The following PRELID2 variants were observed in gnomAD, a reference collection of about 807,000 sequenced individuals.
The protein encoded by PRELID2 is PRELI domain-containing protein 2.
Under a neutral mutation model 28.4 loss-of-function variants are expected in PRELID2, and 25 were observed. The observed-to-expected ratio is 0.88, with a 90% CI of 0.64 to 1.23. The LOEUF (loss-of-function observed/expected upper bound fraction) is 1.23, where lower values mean the gene tolerates loss of function less well. PRELID2 is among the 50% of genes most tolerant of loss of function. The probability of loss-of-function intolerance (pLI) is 0.00; values close to 1 mark genes in which losing one functional copy is unlikely to be tolerated. For synonymous variants in PRELID2, 76 were observed against 71.6 expected, an observed-to-expected ratio of 1.06 and a Z score of -0.31; for missense variants, 201 against 214.4, an observed-to-expected ratio of 0.94 and a Z score of 0.39.
At chr5:145,677,701 A>C (rs13189101) in intron 1 of PRELID2, among the ~76,000 whole-genome samples, 1 of 152,164 alleles carries the variant, frequency 6.6e-6, no homozygotes, top group Non-Finnish European at 1.5e-5. Flanking sequence ...TATTATGTTT[A>C]AATAAAACCA....
chr5:145,516,820 C>A lies in PRELID2; in HGVS notation n.71-43505G>T, dbSNP rs374097525. ...GACCAATGGAACAGAACAGAGCACT[C>A]AGAAGTAATGCCACACATCTACACC... On this transcript the variant is annotated intron_variant and non_coding_transcript_variant, in intron 1 of 2. Transcript: ENST00000510259. Among the ~76,000 whole-genome samples the A allele has an allele frequency of 7.3e-5, 11 of 151,420 alleles. No individual in the cohort carries two copies. In the South Asian group the frequency reaches 8.4e-4, roughly 12 times the overall value.
chr5:145,229,020 G>C, the PRELID2 span: 32 of 1,602,360 alleles, frequency 2.0e-5, no homozygotes, highest in Non-Finnish European at 2.6e-5. Flanking sequence ...GGAGTTTGTG[G>C]AGGAGTTCAT....
intron 4 of PRELID2, among the ~76,000 whole-genome samples, chr5:145,817,419 T>TTTTATATATATATA (rs1363007411): frequency 0.081 from 3,496 of 43,100 alleles, 186 homozygotes; most frequent in Non-Finnish European, 0.13. Context: ...AATAAGCTAG[T>TTTTATATATATATA]TTTATATATA....
At chr5:145,323,496 C>T in the PRELID2 span, among the ~76,000 whole-genome samples, 1 of 152,120 alleles carries the variant, frequency 6.6e-6, no homozygotes, top group African/African-American at 2.4e-5. Flanking sequence ...TTCAGGTGTA[C>T]ATGCATGGGT....
the PRELID2 span, chr5:145,229,077 C>T: frequency 6.5e-7 from 1 of 1,550,342 alleles, no homozygotes; most frequent in Non-Finnish European, 8.9e-7. Flanking sequence ...CCACTACCTC[C>T]TGGGTACTTC....
chr5:145,652,153 A>T (rs1754309822), intron 1 of PRELID2, among the ~76,000 whole-genome samples: 2 of 152,220 alleles, frequency 1.3e-5, no homozygotes, highest in South Asian at 4.1e-4. Context: ...AAAGGGTATC[A>T]GGGATTGAAG....
At chr5:145,441,447 T>G in the PRELID2 span, among the ~76,000 whole-genome samples, 1 of 152,100 alleles carries the variant, frequency 6.6e-6, no homozygotes, top group Non-Finnish European at 1.5e-5. Flanking sequence ...CCCATCTCAC[T>G]CCTCTCTTAT....
At chr5:145,716,794 G>C (rs988884784) in intron 1 of PRELID2, among the ~76,000 whole-genome samples, 1 of 152,096 alleles carries the variant, frequency 6.6e-6, no homozygotes, top group East Asian at 1.9e-4. Flanking sequence ...TATGTGCCTG[G>C]CATTGCTCTC....
At chr5:145,275,441 G>A in the PRELID2 span, among the ~76,000 whole-genome samples, 1 of 152,114 alleles carries the variant, frequency 6.6e-6, no homozygotes, top group East Asian at 1.9e-4. Context: ...GGAAGAGGGT[G>A]TAGGCATGAG....
chr5:145,333,015 C>T, the PRELID2 span, among the ~76,000 whole-genome samples: 40,827 of 152,086 alleles, frequency 0.27, 5,625 homozygotes, highest in South Asian at 0.34. Flanking sequence ...TTCCTTCTAA[C>T]AGTCAAGCCC....
At chr5:145,300,131 TA>T in the PRELID2 span, among the ~76,000 whole-genome samples, 1 of 151,846 alleles carries the variant, frequency 6.6e-6, no homozygotes, top group Non-Finnish European at 1.5e-5. Flanking sequence ...TTTCTTCAGT[TA>T]AAAAAAATGC....
chr5:145,834,959 TG>T, intron 1 of PRELID2: 1 of 442,116 alleles, frequency 2.3e-6, no homozygotes. Context: ...TTCTTTCAGC[TG>T]GGGCAGGTGT....
intron 1 of PRELID2, among the ~76,000 whole-genome samples, chr5:145,633,676 A>C (rs549894758): frequency 6.6e-6 from 1 of 152,238 alleles, no homozygotes; most frequent in Non-Finnish European, 1.5e-5. Context: ...GAGACAGAAA[A>C]ATTTCACAAG....
the PRELID2 span, among the ~76,000 whole-genome samples, chr5:145,449,897 G>A: frequency 1.3e-5 from 2 of 152,022 alleles, no homozygotes; most frequent in Non-Finnish European, 2.9e-5. Context: ...GGCCTGCCGT[G>A]CTCCACTTGC....
chr5:145,247,133 T>C, the PRELID2 span, among the ~76,000 whole-genome samples: 3 of 152,152 alleles, frequency 2.0e-5, no homozygotes, highest in African/African-American at 7.2e-5. Context: ...ACTTATAATC[T>C]GACTCAACCA....
At chr5:145,265,136 T>C in the PRELID2 span, among the ~76,000 whole-genome samples, 1 of 151,944 alleles carries the variant, frequency 6.6e-6, no homozygotes, top group Non-Finnish European at 1.5e-5. Context: ...TGTATAAAAG[T>C]CAGTAGCTCT....
intron 1 of PRELID2, among the ~76,000 whole-genome samples, chr5:145,662,520 A>T (rs1467734763): frequency 1.3e-5 from 2 of 152,158 alleles, no homozygotes; most frequent in African/African-American, 4.8e-5. Context: ...TTCAAAACTC[A>T]TGTTGAAACT....
At chr5:145,466,293 T>C in the PRELID2 span, among the ~76,000 whole-genome samples, 2 of 152,144 alleles carry the variant, frequency 1.3e-5, no homozygotes, top group African/African-American at 2.4e-5. Flanking sequence ...AATATCTTGA[T>C]ACAAATGATA....
chr5:145,546,264 A>T (rs989546861), intron 1 of PRELID2, among the ~76,000 whole-genome samples: 2 of 152,184 alleles, frequency 1.3e-5, no homozygotes, highest in African/African-American at 4.8e-5. Context: ...ACAGGGAAAC[A>T]GAAAATAATC....
Sources: allele counts gnomAD v4.1 joint callset (sites outside exome capture counted in the v4.1 genomes callset), GRCh38; gene constraint gnomAD v4.1.1; transcripts MANE v1.5; gene names NCBI Gene and HGNC (gene_info 2026-07-23, HGNC 2026-07-21).